Variants in MSN observed in about 807,000 individuals in gnomAD.
MSN encodes the protein epididymis luminal protein 70.
MSN carries 2 observed loss-of-function variants against 48.0 expected under a neutral mutation model. The observed-to-expected ratio is 0.04, with a 90% CI of 0.02 to 0.13. MSN has a LOEUF of 0.13. Among genes scored for constraint, MSN ranks in the 10% least tolerant of loss-of-function variants. MSN has a pLI of 1.00. For missense variants in MSN, 267 were observed against 470.1 expected, an observed-to-expected ratio of 0.57 and a Z score of 3.99; for synonymous variants, 146 against 166.9, an observed-to-expected ratio of 0.87 and a Z score of 0.97.
At chrX:65,592,470 A>C (rs2070155697) in intron 1 of MSN, among the ~76,000 whole-genome samples, 1 of 109,379 alleles carries the variant, frequency 9.1e-6, no homozygotes, top group Non-Finnish European at 1.9e-5. Context: ...CTGGGATTAC[A>C]GGTGTGAGCC....
chrX:65,716,312 G>A (rs1416999139), intron 1 of MSN, among the ~76,000 whole-genome samples: 1 of 111,479 alleles, frequency 9.0e-6, no homozygotes, highest in East Asian at 2.8e-4. Flanking sequence ...GTCTCGCTCT[G>A]TTGCCCAGGT....
At chrX:65,650,176 C>G (rs771943341) in intron 1 of MSN, among the ~76,000 whole-genome samples, 2 of 107,063 alleles carry the variant, frequency 1.9e-5, no homozygotes, top group African/African-American at 6.9e-5. Context: ...CAACCTCCCC[C>G]TCCTGGGTTC....
At chrX:65,720,675 G>A (rs1315626148) in intron 2 of MSN, among the ~76,000 whole-genome samples, 1 of 111,970 alleles carries the variant, frequency 8.9e-6, no homozygotes, top group Non-Finnish European at 1.9e-5. Flanking sequence ...CTGGGAGGAA[G>A]GAGCTAGACT....
intron 1 of MSN, among the ~76,000 whole-genome samples, chrX:65,658,840 T>G (rs1235588125): frequency 1.8e-5 from 2 of 111,315 alleles, no homozygotes; most frequent in African/African-American, 6.5e-5. Flanking sequence ...TCTTTTTCTT[T>G]TTCTTTTCTT....
Position 65,741,342 on chromosome X carries a change from A to G in MSN, c.*1449A>G. The G allele has an allele frequency of 6.0e-6, 1 of 165,603 alleles. No homozygotes were observed. Among genetic ancestry groups the G allele is most frequent in the East Asian group, 8.7e-5 (1 of 11,490 alleles). The allele number at this position is 165,603 out of a possible 1,213,427, so 13.6% of individuals were successfully genotyped here. A position where few individuals can be genotyped will look rare whatever the true frequency, so the allele number is the denominator to read the frequency against. ...TTTCTGCCTTCCTTGCTAATGCACC[A>G]TTAGAAGATATTAGTCTTGGGGCAG... On this transcript the variant is annotated 3_prime_UTR_variant, in exon 13 of 13. Transcript: ENST00000360270.
At chrX:65,598,862 A>G (rs958766111) in intron 1 of MSN, among the ~76,000 whole-genome samples, 2 of 112,124 alleles carry the variant, frequency 1.8e-5, no homozygotes, top group Admixed American at 9.5e-5. Context: ...CATACAACAT[A>G]CATGCATGCC....
chrX:65,622,269 A>T (rs1291568569), intron 1 of MSN, among the ~76,000 whole-genome samples: 1 of 105,233 alleles, frequency 9.5e-6, no homozygotes, highest in Non-Finnish European at 1.9e-5. Context: ...TAATTTTTGT[A>T]TTTTTTTTGG....
chrX:65,623,787 G>A (rs1333712670), intron 1 of MSN, among the ~76,000 whole-genome samples: 1 of 105,048 alleles, frequency 9.5e-6, no homozygotes, highest in East Asian at 2.9e-4. Flanking sequence ...ACTCCAGCCT[G>A]GGCGACAAGA....
intron 1 of MSN, among the ~76,000 whole-genome samples, chrX:65,676,697 GC>G (rs1212007691): frequency 8.9e-6 from 1 of 111,794 alleles, no homozygotes; most frequent in Non-Finnish European, 1.9e-5. Context: ...TTTAGCCTTG[GC>G]CTCCATTAAA....
At chrX:65,654,988 C>T (rs1035477021) in intron 1 of MSN, among the ~76,000 whole-genome samples, 28 of 109,437 alleles carry the variant, frequency 2.6e-4, no homozygotes, top group African/African-American at 8.6e-4. Context: ...TATTATATTC[C>T]TTTTTTTTTG....
At chrX:65,589,388 A>G (rs1328147417) in intron 1 of MSN, among the ~76,000 whole-genome samples, 1 of 111,894 alleles carries the variant, frequency 8.9e-6, no homozygotes, top group Admixed American at 9.4e-5. Flanking sequence ...ATCTGTTTCT[A>G]GGCTAGGCTG....
At chrX:65,595,528 A>G (rs759215310) in intron 1 of MSN, among the ~76,000 whole-genome samples, 2 of 111,768 alleles carry the variant, frequency 1.8e-5, no homozygotes, top group Non-Finnish European at 3.8e-5. Flanking sequence ...CTAGTGAAGC[A>G]CTCAGTGATC....
intron 2 of MSN, among the ~76,000 whole-genome samples, chrX:65,723,688 A>T (rs1334400304): frequency 2.7e-5 from 3 of 112,052 alleles, no homozygotes; most frequent in Non-Finnish European, 5.6e-5. Flanking sequence ...GCTGGAAGCA[A>T]GAAAAACTTG....
At chrX:65,651,901 C>T (rs2070745352) in intron 1 of MSN, among the ~76,000 whole-genome samples, 1 of 107,554 alleles carries the variant, frequency 9.3e-6, no homozygotes, top group Non-Finnish European at 1.9e-5. Context: ...CCCGGCCTTT[C>T]AGTTGCTCTT....
intron 1 of MSN, chrX:65,588,751 T>C: frequency 2.6e-6 from 1 of 388,525 alleles, no homozygotes; most frequent in African/African-American, 2.7e-5. Context: ...GACACTGAAA[T>C]GTTGATCAGT....
At chrX:65,626,829 T>A (rs2148363392) in intron 1 of MSN, among the ~76,000 whole-genome samples, 1 of 110,478 alleles carries the variant, frequency 9.1e-6, no homozygotes, top group African/African-American at 3.4e-5. Flanking sequence ...CAAGTGCCTG[T>A]GTCAGTCTTT....
At chrX:65,733,060 T>TA (rs1249915929) in intron 6 of MSN, 124 bp from the exon 7 acceptor site, 9,303 of 391,003 alleles carry the variant, frequency 0.024, 4 homozygotes, top group Middle Eastern at 0.033. Flanking sequence ...CTATTTATTT[T>TA]AAAAAAAAAA....
At chrX:65,620,935 G>A (rs1318055446) in intron 1 of MSN, among the ~76,000 whole-genome samples, 1 of 104,841 alleles carries the variant, frequency 9.5e-6, no homozygotes, top group Non-Finnish European at 2.0e-5. Context: ...CTCTGTTGTT[G>A]TTGTTTTTGA....
chrX:65,673,010 CTG>C (rs773053534), intron 1 of MSN, among the ~76,000 whole-genome samples: 18 of 111,695 alleles, frequency 1.6e-4, no homozygotes, highest in African/African-American at 5.5e-4. Context: ...TCAGAATGGA[CTG>C]TTTCTCACAT....
Sources: allele counts gnomAD v4.1 joint callset (sites outside exome capture counted in the v4.1 genomes callset), GRCh38; gene constraint gnomAD v4.1.1; transcripts MANE v1.5; gene names NCBI Gene and HGNC (gene_info 2026-07-23, HGNC 2026-07-21).